TTLL5: variants seen among roughly 807,000 people sequenced by gnomAD.
TTLL5 encodes the protein tubulin polyglutamylase TTLL5.
TTLL5 carries 132 observed loss-of-function variants against 168.4 expected under a neutral mutation model. The observed-to-expected ratio is 0.78, with a 90% CI of 0.68 to 0.91. The LOEUF (loss-of-function observed/expected upper bound fraction) is 0.91, where lower values mean the gene tolerates loss of function less well. Ranked by LOEUF, TTLL5 falls within the 40% of genes least tolerant of loss-of-function variation. The pLI, the probability that TTLL5 is intolerant of heterozygous loss-of-function variation, is 0.00. For missense variants in TTLL5, 1,545 were observed against 1,581.5 expected (o/e 0.98, Z 0.39); for synonymous variants, 546 against 558.6 (o/e 0.98, Z 0.32).
intron 31 of TTLL5, among the ~76,000 whole-genome samples, chr14:75,925,924 C>A (rs1306172849): frequency 6.6e-6 from 1 of 151,892 alleles, no homozygotes; most frequent in Non-Finnish European, 1.5e-5. Context: ...GCGGCGCGCA[C>A]CTGTAATCGC....
intron 17 of TTLL5, 63 bp downstream of exon 17, chr14:75,745,644 A>C: frequency 7.6e-7 from 1 of 1,322,656 alleles, no homozygotes. Flanking sequence ...ATTAATTGTG[A>C]TACACTGTCA....
At chr14:75,868,201 C>G (rs1431078141) in intron 29 of TTLL5, among the ~76,000 whole-genome samples, 1 of 152,198 alleles carries the variant, frequency 6.6e-6, no homozygotes, top group African/African-American at 2.4e-5. Context: ...ACTCTCTTCT[C>G]TGCCTCATCC....
chr14:75,721,488 T>C (rs1887832968), intron 12 of TTLL5, among the ~76,000 whole-genome samples: 2 of 152,210 alleles, frequency 1.3e-5, no homozygotes, highest in Admixed American at 1.3e-4. Context: ...TGTGGAGTAA[T>C]ACAGGTAGTA....
chr14:75,669,634 A>G (rs1883559579), intron 3 of TTLL5, 112 bp downstream of exon 3: 1 of 725,778 alleles, frequency 1.4e-6, no homozygotes, highest in Non-Finnish European at 2.1e-6. Context: ...CATGAGAAAA[A>G]TCAATTGAGT....
intron 7 of TTLL5, among the ~76,000 whole-genome samples, chr14:75,699,957 C>A (rs1306595197): frequency 6.6e-6 from 1 of 152,170 alleles, no homozygotes; most frequent in East Asian, 1.9e-4. Flanking sequence ...TGTTAATTCC[C>A]AGTTTGGCAT....
intron 28 of TTLL5, chr14:75,837,355 A>G (rs1263207370): frequency 6.6e-6 from 1 of 152,252 alleles, no homozygotes; most frequent in Non-Finnish European, 1.5e-5. Context: ...GGTAGAAGCC[A>G]CAATGTCTTT....
chr14:75,940,922 G>T (rs1436417545), intron 31 of TTLL5, among the ~76,000 whole-genome samples: 1 of 152,160 alleles, frequency 6.6e-6, no homozygotes, highest in African/African-American at 2.4e-5. Context: ...TTGTATTAAT[G>T]ACTATAATTC....
At chr14:75,917,344 C>T (rs2033654533) in intron 31 of TTLL5, among the ~76,000 whole-genome samples, 1 of 152,220 alleles carries the variant, frequency 6.6e-6, no homozygotes. Context: ...AATGATGGAG[C>T]TGAAATTCAC....
At chr14:75,747,686 G>C (rs1009160415) in intron 17 of TTLL5, among the ~76,000 whole-genome samples, 1 of 152,120 alleles carries the variant, frequency 6.6e-6, no homozygotes, top group Non-Finnish European at 1.5e-5. Context: ...TGAGGTGTCT[G>C]TTAAATTACC....
At chr14:75,766,970 C>T (rs1017988190) in intron 20 of TTLL5, among the ~76,000 whole-genome samples, 11 of 152,020 alleles carry the variant, frequency 7.2e-5, no homozygotes, top group Admixed American at 7.2e-4. Context: ...TCGAGACCAG[C>T]CTGACCAACA....
intron 31 of TTLL5, among the ~76,000 whole-genome samples, chr14:75,936,986 A>G (rs187833172): frequency 2.0e-4 from 30 of 152,364 alleles, no homozygotes; most frequent in Middle Eastern, 3.4e-3. Context: ...TAAGCACTTT[A>G]TATAACACTG....
At chr14:75,912,975 T>C (rs2033451138) in intron 31 of TTLL5, among the ~76,000 whole-genome samples, 1 of 152,208 alleles carries the variant, frequency 6.6e-6, no homozygotes, top group African/African-American at 2.4e-5. Flanking sequence ...ATAATGGTTA[T>C]TTAGAGGATT....
chr14:75,717,044 C>T (rs1008551231), intron 9 of TTLL5, among the ~76,000 whole-genome samples: 48 of 150,972 alleles, frequency 3.2e-4, no homozygotes, highest in African/African-American at 1.1e-3. Context: ...TGGATGTCAG[C>T]TCTAAGCCTA....
At chr14:75,663,597 G>T (rs1160524379) in intron 2 of TTLL5, among the ~76,000 whole-genome samples, 1 of 152,186 alleles carries the variant, frequency 6.6e-6, no homozygotes, top group Non-Finnish European at 1.5e-5. Flanking sequence ...CATTAGTTAC[G>T]TTTGCTAATT....
intron 31 of TTLL5, among the ~76,000 whole-genome samples, chr14:75,918,572 G>A (rs2033703194): frequency 6.6e-6 from 1 of 152,044 alleles, no homozygotes; most frequent in African/African-American, 2.4e-5. Context: ...TTCTGGAAGT[G>A]TTTAAAAGGT....
In TTLL5 at chr14:75,735,200, G is replaced by A. The variant is rs772904846; in HGVS notation, c.1192G>A (p.Val398Met). The part of the protein sequence containing the change: ...ISDMFTVVGF[V>M]CQDPAQRAST... ...GTTGCCCATTCCCCATTCAGGATTTGTGTGCCAAGATCCTGCCCAGCGGGC... is the reference window on the plus strand; with the variant it reads ...GTTGCCCATTCCCCATTCAGGATTTATGTGCCAAGATCCTGCCCAGCGGGC... Residue 398 changes from valine to methionine, a missense_variant, in exon 15 of 32, where the codon GTG becomes ATG. Coordinates refer to ENST00000298832, the MANE Select transcript of TTLL5 (RefSeq NM_015072.5). The A allele has an allele frequency of 1.2e-6, 2 of 1,614,042 alleles. No individual in the cohort carries two copies.
chr14:75,827,447 A>G (rs1017022698), intron 28 of TTLL5, among the ~76,000 whole-genome samples: 1 of 152,164 alleles, frequency 6.6e-6, no homozygotes, highest in African/African-American at 2.4e-5. Flanking sequence ...TGTTTATTTA[A>G]ATAGGGAGCC....
chr14:75,946,287 G>A (rs1327891796), intron 31 of TTLL5, among the ~76,000 whole-genome samples: 1 of 152,150 alleles, frequency 6.6e-6, no homozygotes, highest in African/African-American at 2.4e-5. Context: ...AGTTCATACT[G>A]TACAGTGAAA....
intron 15 of TTLL5, among the ~76,000 whole-genome samples, chr14:75,735,728 T>C (rs1888851424): frequency 1.3e-5 from 2 of 152,224 alleles, no homozygotes; most frequent in African/African-American, 4.8e-5. Context: ...CCCTCCATGA[T>C]CATGAGTTAT....
Sources: allele counts gnomAD v4.1 joint callset (sites outside exome capture counted in the v4.1 genomes callset), GRCh38; gene constraint gnomAD v4.1.1; transcripts MANE v1.5; gene names NCBI Gene and HGNC (gene_info 2026-07-23, HGNC 2026-07-21).